PTK7: variants seen among roughly 807,000 people sequenced by gnomAD.
PTK7 encodes inactive tyrosine-protein kinase 7.
A neutral mutation model predicts 116.6 loss-of-function variants in PTK7; 39 were observed. The ratio of observed to expected loss-of-function variants is 0.33; its 90% confidence interval spans 0.26 to 0.44. PTK7 has a LOEUF of 0.44. Ranked by LOEUF, PTK7 falls within the 20% of genes least tolerant of loss-of-function variation. The probability of loss-of-function intolerance (pLI) is 1.00; values close to 1 mark genes in which losing one functional copy is unlikely to be tolerated. For missense variants in PTK7, 1,169 were observed against 1,425.6 expected, an observed-to-expected ratio of 0.82 and a Z score of 2.90; for synonymous variants, 546 against 563.6, an observed-to-expected ratio of 0.97 and a Z score of 0.44.
rs1245424144 is a variant in PTK7 at position 43,132,632 on chromosome 6, C to T, written c.1173C>T (p.Cys391=). The T allele has an allele frequency of 6.3e-7, 1 of 1,592,200 alleles. No individual in the cohort carries two copies. Among genetic ancestry groups the T allele is most frequent in the Admixed American group, 1.8e-5 (1 of 55,668 alleles). Residue 391 remains cysteine (C), a synonymous_variant, in exon 7 of 20, where the codon TGC becomes TGT. Transcript: ENST00000230419. ...AAAGTGATGCTGGTGTCTACACCTG[C>T]CACGCGGCCAACCTGGCTGGTCAGC... The part of the protein sequence containing the change: ...IAESDAGVYT[C]HAANLAGQRR...
chr6:43,152,194 T>C (rs1034427841), intron 17 of PTK7, among the ~76,000 whole-genome samples: 4 of 148,846 alleles, frequency 2.7e-5, no homozygotes, highest in African/African-American at 9.9e-5. Flanking sequence ...ACACATTTAG[T>C]TGAAAGCTAT....
chr6:43,152,720 T>A (rs1281493056), intron 17 of PTK7, among the ~76,000 whole-genome samples: 1 of 151,668 alleles, frequency 6.6e-6, no homozygotes, highest in African/African-American at 2.4e-5. Context: ...ACAGAAGAAC[T>A]GAATTTTATT....
At chr6:43,094,994 A>T (rs1430435143) in intron 1 of PTK7, among the ~76,000 whole-genome samples, 2 of 151,490 alleles carry the variant, frequency 1.3e-5, no homozygotes, top group Non-Finnish European at 2.9e-5. Flanking sequence ...CAGTGAGCTG[A>T]AATCATGCCA....
In PTK7 at chr6:43,129,928, T is replaced by G; in HGVS notation, c.470+99T>G. ...GCGGATGTTACCTCGCTCCATTCTG[T>G]GACCACTCGTTCCACCACCACAGTG... On this transcript the variant is annotated intron_variant, in intron 3 of 19. Coordinates refer to ENST00000230419, the MANE Select transcript of PTK7 (RefSeq NM_002821.5). This position sits in a 1 kb window ranked among gnomAD's most constrained non-coding sequence, Gnocchi z 4.5. 8.5e-7 allele frequency: 1 copy of G among 1,175,324 alleles called. No homozygotes were observed. The highest frequency in any genetic ancestry group is 1.4e-5 in the South Asian group (1 of 73,000). The allele number at this position is 1,175,324 out of a possible 1,614,324, so 72.8% of individuals were successfully genotyped here.
At chr6:43,092,786 GGTTATAACTGATGGTTATCTGTGGTA>G (rs1561936948) in intron 1 of PTK7, among the ~76,000 whole-genome samples, 1 of 152,104 alleles carries the variant, frequency 6.6e-6, no homozygotes, top group Non-Finnish European at 1.5e-5. Flanking sequence ...TATCTGTGGA[GGTTATAACTGATGGTTATCTGTGGTA>G]GTTATAATTG....
chr6:43,077,057 T>C, intron 1 of PTK7: 1 of 1,299,764 alleles, frequency 7.7e-7, no homozygotes, highest in Non-Finnish European at 9.8e-7. Flanking sequence ...CTTTGTTACC[T>C]ACGCCGACCC....
chr6:43,118,864 G>A (rs1325074903), intron 1 of PTK7, among the ~76,000 whole-genome samples: 2 of 150,146 alleles, frequency 1.3e-5, no homozygotes, highest in Non-Finnish European at 1.5e-5. Context: ...CACCTCCCGG[G>A]TTCAAGCCAT....
chr6:43,156,059 T>C (rs1771406981), intron 17 of PTK7, among the ~76,000 whole-genome samples: 2 of 150,840 alleles, frequency 1.3e-5, no homozygotes, highest in Non-Finnish European at 3.0e-5. Flanking sequence ...TGAAACCCCA[T>C]CTCTACTAAA....
Position 43,129,974 on chromosome 6 carries a change from C to T in PTK7, c.470+145C>T. 1 of 917,182 alleles carries T rather than the reference C, an allele frequency of 1.1e-6. No individual in the cohort carries two copies. The highest frequency in any genetic ancestry group is 1.7e-6 in the Non-Finnish European group (1 of 595,556). 56.8% of individuals were successfully genotyped at this position (917,182 alleles called of 1,614,324 possible). On this transcript the variant is annotated intron_variant, in intron 3 of 19. Coordinates refer to ENST00000230419, the MANE Select transcript of PTK7 (RefSeq NM_002821.5). The surrounding 1 kb of genome is among the most constrained non-coding windows in gnomAD (Gnocchi z 4.5). ...CAGTGCTCTTCACCCTGCCCTCCCCCAGATATTGCCCTATGCCGGCCCCTG... is the reference window on the plus strand; with the variant it reads ...CAGTGCTCTTCACCCTGCCCTCCCCTAGATATTGCCCTATGCCGGCCCCTG...
At chr6:43,131,134 G>C (rs1322611282) in intron 5 of PTK7, among the ~76,000 whole-genome samples, 4 of 151,736 alleles carry the variant, frequency 2.6e-5, no homozygotes, top group East Asian at 1.9e-4. Context: ...AGGGACTTCT[G>C]TTCTTGCCTG....
intron 1 of PTK7, among the ~76,000 whole-genome samples, chr6:43,100,427 A>G (rs1483532300): frequency 7.0e-6 from 1 of 143,614 alleles, no homozygotes; most frequent in Non-Finnish European, 1.5e-5. Context: ...AAAAAATGAT[A>G]GACATTACTA....
intron 1 of PTK7, among the ~76,000 whole-genome samples, chr6:43,117,645 C>T (rs989806723): frequency 2.0e-5 from 3 of 152,072 alleles, no homozygotes; most frequent in East Asian, 1.9e-4. Flanking sequence ...AGGTCGGGCG[C>T]GGTGGTTCAC....
chr6:43,122,053 A>T (rs2150416899), intron 1 of PTK7, among the ~76,000 whole-genome samples: 1 of 152,100 alleles, frequency 6.6e-6, no homozygotes, highest in Middle Eastern at 3.4e-3. Flanking sequence ...GAGGTGGGAG[A>T]ATTGCTTGGG....
intron 1 of PTK7, among the ~76,000 whole-genome samples, chr6:43,093,183 C>CTTTTTTTTT (rs72414606): frequency 2.4e-5 from 2 of 84,782 alleles, no homozygotes; most frequent in Admixed American, 1.4e-4. Context: ...ATAGGATCTC[C>CTTTTTTTTT]TTTTTTTTTT....
intron 1 of PTK7, among the ~76,000 whole-genome samples, chr6:43,119,228 AG>A (rs1157931954): frequency 6.6e-6 from 1 of 152,098 alleles, no homozygotes; most frequent in East Asian, 1.9e-4. Flanking sequence ...CACTCTGACC[AG>A]GTCTGCAGGC....
At chr6:43,092,170 T>A (rs1180169241) in intron 1 of PTK7, among the ~76,000 whole-genome samples, 3 of 151,936 alleles carry the variant, frequency 2.0e-5, no homozygotes, top group African/African-American at 7.2e-5. Context: ...CTACTGTGCC[T>A]AATTTATTTA....
At chr6:43,130,726 G>T in intron 5 of PTK7, 65 bp downstream of exon 5, 3 of 1,564,326 alleles carry the variant, frequency 1.9e-6, no homozygotes, top group Non-Finnish European at 2.6e-6. Context: ...GTAGAAGGGG[G>T]TGCGATTTGT....
At chr6:43,113,396 G>A (rs543193578) in intron 1 of PTK7, among the ~76,000 whole-genome samples, 83 of 152,154 alleles carry the variant, frequency 5.5e-4, no homozygotes, top group African/African-American at 2.0e-3. Context: ...TCGCACCACT[G>A]CACTCCAGCC....
At chr6:43,140,750 T>A (rs1041103595) in intron 10 of PTK7, among the ~76,000 whole-genome samples, 1 of 152,092 alleles carries the variant, frequency 6.6e-6, no homozygotes, top group Admixed American at 6.6e-5. Context: ...TAGCCAGGCA[T>A]GGTGGTGCAT....
Sources: allele counts gnomAD v4.1 joint callset (sites outside exome capture counted in the v4.1 genomes callset), GRCh38; gene constraint gnomAD v4.1.1; non-coding constraint Gnocchi (gnomAD v3.1); transcripts MANE v1.5; gene names NCBI Gene and HGNC (gene_info 2026-07-23, HGNC 2026-07-21).